Variants in SPTLC3 observed in about 807,000 individuals in gnomAD.
The protein encoded by SPTLC3 is serine palmitoyltransferase long chain base subunit 3.
In SPTLC3, 36 loss-of-function variants were observed where a neutral mutation model predicts 59.3. That is an observed-to-expected ratio of 0.61 (90% CI 0.47 to 0.80). The LOEUF is 0.80. Among genes scored for constraint, SPTLC3 ranks in the 30% least tolerant of loss-of-function variants. The pLI is 0.00. For synonymous variants in SPTLC3, 257 were observed against 240.8 expected (o/e 1.07, Z -0.62); for missense variants, 625 against 685.1 (o/e 0.91, Z 0.98).
intron 1 of SPTLC3, among the ~76,000 whole-genome samples, chr20:13,035,335 A>G (rs1010062599): frequency 6.6e-6 from 1 of 152,166 alleles, no homozygotes; most frequent in Admixed American, 6.6e-5. Flanking sequence ...TGTCCTACAT[A>G]TTGGTAGATT....
At chr20:13,159,389 C>T (rs1381428981) in intron 10 of SPTLC3, among the ~76,000 whole-genome samples, 1 of 152,090 alleles carries the variant, frequency 6.6e-6, no homozygotes, top group East Asian at 1.9e-4. Context: ...ACATATGAAA[C>T]AATCAGGAGA....
chr20:13,123,258 G>A (rs569596288), intron 8 of SPTLC3, among the ~76,000 whole-genome samples: 1 of 151,940 alleles, frequency 6.6e-6, no homozygotes, highest in Non-Finnish European at 1.5e-5. Context: ...TGGAGCCCAG[G>A]AGACGAAGGT....
intron 2 of SPTLC3, among the ~76,000 whole-genome samples, chr20:13,063,954 T>A (rs1314059437): frequency 6.6e-6 from 1 of 151,414 alleles, no homozygotes; most frequent in Admixed American, 6.6e-5. Context: ...CTGCACCTGA[T>A]CAATTTTTTT....
Position 13,164,764 on chromosome 20 carries a change from C to T in SPTLC3, c.1556C>T (p.Ala519Val). Reference sequence around the variant, plus strand: ...GCAATCTCATTGCAGGTTTTAGAAGCTCTTGATGAAATGGGTGATCTCTTG... The same window carrying T: ...GCAATCTCATTGCAGGTTTTAGAAGTTCTTGATGAAATGGGTGATCTCTTG... ...TREMLDTVLE[A>V]LDEMGDLLQL... The change falls in exon 12 of 12, where the codon GCT (alanine) becomes GTT (valine). Residue 519 changes from alanine (A) to valine (V), a missense_variant. Ala to Val is a moderately conservative substitution (Grantham distance 64). Transcript: ENST00000399002. 2 of 1,613,268 alleles carry T rather than the reference C, an allele frequency of 1.2e-6. No individual in the cohort carries two copies. Among genetic ancestry groups the T allele is most frequent in the South Asian group, 1.1e-5 (1 of 90,918 alleles).
chr20:13,073,074 T>C (rs1334596307), intron 3 of SPTLC3, among the ~76,000 whole-genome samples: 1 of 152,228 alleles, frequency 6.6e-6, no homozygotes, highest in African/African-American at 2.4e-5. Flanking sequence ...ATTTAAATTA[T>C]TTTCTTCTAG....
At chr20:13,012,785 C>A (rs1985323107) in intron 1 of SPTLC3, among the ~76,000 whole-genome samples, 1 of 152,128 alleles carries the variant, frequency 6.6e-6, no homozygotes. Flanking sequence ...GAGCCCAAAT[C>A]CAAGTTGCTC....
intron 1 of SPTLC3, among the ~76,000 whole-genome samples, chr20:13,024,517 GT>G (rs1273578876): frequency 4.6e-5 from 7 of 151,726 alleles, no homozygotes; most frequent in African/African-American, 1.5e-4. Context: ...TTTTTCTATA[GT>G]TTTTTTTCTT....
chr20:13,019,893 T>C (rs1985778147), intron 1 of SPTLC3, among the ~76,000 whole-genome samples: 1 of 152,218 alleles, frequency 6.6e-6, no homozygotes, highest in South Asian at 2.1e-4. Flanking sequence ...GTGAGTCTTT[T>C]GGAGTTCAAG....
rs1989459623 is a variant in SPTLC3, at chr20:13,097,505, G to A, written c.826+3928G>A. On this transcript the variant is annotated intron_variant, in intron 6 of 11. Transcript: ENST00000399002. ...TGGATGAAAAAAAAATAATAATTCT[G>A]AAGATCGTCTGTCTCTACAGCAGTG... Among the ~76,000 whole-genome samples the A allele has an allele frequency of 2.6e-5, 4 of 152,102 alleles. No homozygotes were observed. In the South Asian group the frequency reaches 6.2e-4, roughly 24 times the overall value.
chr20:13,079,483 A>G (rs8119762), intron 4 of SPTLC3, among the ~76,000 whole-genome samples: 41,733 of 151,892 alleles, frequency 0.27, 5,884 homozygotes, highest in Middle Eastern at 0.35. Context: ...AAAAACAAAA[A>G]CCACCACCAC....
intron 9 of SPTLC3, among the ~76,000 whole-genome samples, chr20:13,142,014 C>T (rs1318636454): frequency 6.6e-6 from 1 of 152,220 alleles, no homozygotes; most frequent in Non-Finnish European, 1.5e-5. Context: ...ACAAACTGAA[C>T]TCTAGTTAAG....
At chr20:13,114,622 G>A (rs1990432525) in intron 7 of SPTLC3, among the ~76,000 whole-genome samples, 2 of 152,200 alleles carry the variant, frequency 1.3e-5, no homozygotes, top group Non-Finnish European at 2.9e-5. Context: ...TAAGGATTGA[G>A]AACTTCAGTG....
At chr20:13,150,501 C>A (rs1164150396) in intron 9 of SPTLC3, among the ~76,000 whole-genome samples, 1 of 152,180 alleles carries the variant, frequency 6.6e-6, no homozygotes, top group East Asian at 1.9e-4. Context: ...TTCTTTAAAA[C>A]CAGAGTTCCA....
chr20:13,034,339 G>A (rs2122445099), intron 1 of SPTLC3, among the ~76,000 whole-genome samples: 1 of 152,298 alleles, frequency 6.6e-6, no homozygotes, highest in African/African-American at 2.4e-5. Context: ...TGTAGACACT[G>A]GGGACACAGT....
intron 2 of SPTLC3, among the ~76,000 whole-genome samples, chr20:13,062,398 T>C (rs2122540097): frequency 6.6e-6 from 1 of 152,320 alleles, no homozygotes; most frequent in South Asian, 2.1e-4. Flanking sequence ...TCTCCCACAG[T>C]GAATACTCAA....
At chr20:13,066,719 A>T (rs1988225048) in intron 2 of SPTLC3, among the ~76,000 whole-genome samples, 2 of 151,900 alleles carry the variant, frequency 1.3e-5, no homozygotes, top group South Asian at 4.1e-4. Context: ...ATCTTTCCTC[A>T]TCTCTAGAAA....
At position 13,154,102 on chromosome 20, in the gene SPTLC3, T is replaced by G. The variant is rs931915472; in HGVS notation, c.1379T>G (p.Val460Gly). Residue 460 changes from valine (V) to glycine (G), a missense_variant, in exon 10 of 12, where the codon GTT (valine) becomes GGT (glycine). Physicochemically the swap from Val to Gly is moderately radical, Grantham distance 109. Transcript: ENST00000399002. The stretch of plus-strand genomic sequence containing the variant: ...ATCTATGGCAATGAGAATGCTTCTG[T>G]TGTTCCTCTGCTTCTTTATATGCCT... ...FIIYGNENAS[V>G]VPLLLYMPGK... 6.2e-7 allele frequency: 1 copy of G among 1,614,190 alleles called. No individual in the cohort carries two copies. The highest frequency in any genetic ancestry group is 1.7e-5 in the Admixed American group (1 of 60,028).
chr20:13,060,463 G>T (rs191192840), intron 2 of SPTLC3, among the ~76,000 whole-genome samples: 2 of 150,996 alleles, frequency 1.3e-5, no homozygotes, highest in Non-Finnish European at 2.9e-5. Context: ...TTTTTTATTT[G>T]TATGAATTTA....
chr20:13,050,505 C>T (rs1294101667), intron 2 of SPTLC3: 2 of 152,160 alleles, frequency 1.3e-5, no homozygotes, highest in Non-Finnish European at 2.9e-5. Flanking sequence ...GCCTGGAAAA[C>T]ATATTTGGGG....
Sources: gnomAD v4.1 joint callset for allele counts (sites outside exome capture counted in the v4.1 genomes callset) on GRCh38, gnomAD v4.1.1 for gene constraint, MANE v1.5 for transcripts, NCBI Gene and HGNC (gene_info 2026-07-23, HGNC 2026-07-21) for gene names.